Variants in C3orf70 observed in about 807,000 individuals in gnomAD.
The protein encoded by C3orf70 is UPF0524 protein C3orf70.
In C3orf70, 15 loss-of-function variants were observed where a neutral mutation model predicts 20.7. The ratio of observed to expected loss-of-function variants is 0.72; its 90% CI spans 0.48 to 1.11. C3orf70 has a LOEUF of 1.11. C3orf70 is among the 50% of genes most tolerant of loss of function. C3orf70 has a pLI of 0.00. For missense variants in C3orf70, 332 were observed against 317.6 expected (o/e 1.05, Z -0.34); for synonymous variants, 161 against 125.7 (o/e 1.28, Z -1.88).
At chr3:185,102,762 A>ACTAT (rs2108592988) in intron 1 of C3orf70, among the ~76,000 whole-genome samples, 1 of 152,336 alleles carries the variant, frequency 6.6e-6, no homozygotes, top group South Asian at 2.1e-4. Context: ...CACACCTGCA[A>ACTAT]CTATCTAATC....
chr3:185,094,074 G>GTTTTTTTTTTTTT (rs71162282), intron 1 of C3orf70, among the ~76,000 whole-genome samples: 10 of 80,648 alleles, frequency 1.2e-4, no homozygotes, highest in Admixed American at 3.6e-4. Context: ...ATACCCTGGG[G>GTTTTTTTTTTTTT]TTTTTTTTTT....
At chr3:185,142,657 A>C (rs1716780464) in intron 1 of C3orf70, among the ~76,000 whole-genome samples, 2 of 152,292 alleles carry the variant, frequency 1.3e-5, no homozygotes, top group Middle Eastern at 3.4e-3. Flanking sequence ...ACTCAGCATC[A>C]AAGTATCACC....
intron 1 of C3orf70, among the ~76,000 whole-genome samples, chr3:185,095,969 T>C (rs1715692775): frequency 6.6e-6 from 1 of 152,110 alleles, no homozygotes; most frequent in African/African-American, 2.4e-5. Context: ...TCTCCTGACC[T>C]CATGATCCTC....
At chr3:185,120,838 T>TA (rs139620596) in intron 1 of C3orf70, among the ~76,000 whole-genome samples, 7,875 of 151,820 alleles carry the variant, frequency 0.052, 662 homozygotes, top group African/African-American at 0.18. Flanking sequence ...CTTAAAGAAC[T>TA]AAAAGTAGAA....
intron 1 of C3orf70, among the ~76,000 whole-genome samples, chr3:185,147,619 A>G (rs191335553): frequency 6.6e-6 from 1 of 152,338 alleles, no homozygotes; most frequent in African/African-American, 2.4e-5. Flanking sequence ...GAAAAGCTCT[A>G]AGCCTTCTTC....
intron 1 of C3orf70, among the ~76,000 whole-genome samples, chr3:185,150,893 A>G (rs1170947349): frequency 1.3e-5 from 2 of 152,256 alleles, no homozygotes; most frequent in Non-Finnish European, 2.9e-5. Flanking sequence ...CTTAAGAGAA[A>G]GATGATCACT....
intron 1 of C3orf70, among the ~76,000 whole-genome samples, chr3:185,147,568 T>C (rs571967047): frequency 1.3e-5 from 2 of 152,328 alleles, no homozygotes; most frequent in East Asian, 3.9e-4. Context: ...CGAACAGAGC[T>C]AGATCCGAAT....
chr3:185,113,488 G>C (rs1215941388), intron 1 of C3orf70, among the ~76,000 whole-genome samples: 1 of 152,062 alleles, frequency 6.6e-6, no homozygotes, highest in Non-Finnish European at 1.5e-5. Flanking sequence ...GGTTTATTCA[G>C]GAAGAAAAAG....
rs891908246 is a variant in C3orf70, at chr3:185,077,336, C to G, written c.*5671G>C. Among the ~76,000 whole-genome samples, 4 of 152,192 alleles carry G rather than the reference C, an allele frequency of 2.6e-5. No individual in the cohort carries two copies. The highest frequency in any genetic ancestry group is 9.6e-5 in the African/African-American group (4 of 41,532). On this transcript the variant is annotated 3_prime_UTR_variant, in exon 2 of 2. Coordinates refer to ENST00000335012, the MANE Select transcript of C3orf70 (RefSeq NM_001025266.3). ...TAGAGCCAAAGTGACCGGGTTCAAA[C>G]CCTGACTGCCACTCATGTACGAGCT...
chr3:185,119,753 C>T (rs1017002048), intron 1 of C3orf70, among the ~76,000 whole-genome samples: 19 of 151,632 alleles, frequency 1.3e-4, no homozygotes, highest in African/African-American at 1.9e-4. Context: ...GGGCTGGGTG[C>T]GGTGGCTCAC....
chr3:185,110,394 T>G (rs1442995140), intron 1 of C3orf70, among the ~76,000 whole-genome samples: 1 of 152,250 alleles, frequency 6.6e-6, no homozygotes, highest in Non-Finnish European at 1.5e-5. Context: ...GCTCTGTGAT[T>G]TCAATGACGA....
chr3:185,098,353 C>A (rs1715752760), intron 1 of C3orf70, among the ~76,000 whole-genome samples: 1 of 152,126 alleles, frequency 6.6e-6, no homozygotes, highest in African/African-American at 2.4e-5. Context: ...TAATAAAAAC[C>A]AAATAGAATT....
intron 1 of C3orf70, among the ~76,000 whole-genome samples, chr3:185,131,456 T>C (rs1236998361): frequency 1.3e-5 from 2 of 152,218 alleles, no homozygotes; most frequent in Non-Finnish European, 2.9e-5. Flanking sequence ...TATTGTCTCT[T>C]ATTTTACTGA....
chr3:185,114,628 A>G (rs574811788), intron 1 of C3orf70, among the ~76,000 whole-genome samples: 5 of 152,338 alleles, frequency 3.3e-5, no homozygotes, highest in Non-Finnish European at 7.3e-5. Context: ...AAATTAAAAC[A>G]ACAATTAACC....
intron 1 of C3orf70, among the ~76,000 whole-genome samples, chr3:185,087,913 ATT>A (rs10714484): frequency 1.7e-3 from 234 of 134,448 alleles, no homozygotes; most frequent in East Asian, 2.4e-3. Context: ...AGTTTTATAC[ATT>A]TTTTTTTTTT....
intron 1 of C3orf70, among the ~76,000 whole-genome samples, chr3:185,084,278 T>A (rs959017869): frequency 6.6e-6 from 1 of 152,130 alleles, no homozygotes; most frequent in African/African-American, 2.4e-5. Flanking sequence ...ATGTATATAT[T>A]TTTCCAGTTT....
intron 1 of C3orf70, among the ~76,000 whole-genome samples, chr3:185,122,148 CATT>C (rs1220978608): frequency 1.4e-5 from 2 of 145,110 alleles, no homozygotes; most frequent in African/African-American, 5.1e-5. Context: ...ACTATGCAAA[CATT>C]AATCAAAAGA....
intron 1 of C3orf70, among the ~76,000 whole-genome samples, chr3:185,111,992 C>T (rs1209702346): frequency 1.3e-5 from 2 of 152,120 alleles, no homozygotes; most frequent in Non-Finnish European, 2.9e-5. Flanking sequence ...AAACACCAAA[C>T]AGAAATCATG....
rs1455440551 is a variant in C3orf70 at position 185,079,471 on chromosome 3, T to A, written c.*3536A>T. ...AGGAAAGGACTGTTCTTCAGGGCTG[T>A]CCTCAGATTCTTATTTCATATCTTA... On this transcript the variant is annotated 3_prime_UTR_variant, in exon 2 of 2. Coordinates refer to ENST00000335012, the MANE Select transcript of C3orf70 (RefSeq NM_001025266.3). The A allele has an allele frequency of 6.6e-6, 1 of 152,106 alleles. No homozygotes were observed. The allele number at this position is 152,106 out of a possible 1,614,324, so 9.4% of individuals were successfully genotyped here.
Sources: allele counts gnomAD v4.1 joint callset (sites outside exome capture counted in the v4.1 genomes callset), GRCh38; gene constraint gnomAD v4.1.1; transcripts MANE v1.5; gene names NCBI Gene and HGNC (gene_info 2026-07-23, HGNC 2026-07-21).